Variants in ERC2 observed in about 807,000 individuals in gnomAD.
ERC2 encodes the protein ERC protein 2.
A neutral mutation model predicts 114.8 loss-of-function variants in ERC2; 42 were observed. The ratio of observed to expected loss-of-function variants is 0.37; its 90% CI spans 0.29 to 0.47. The LOEUF is 0.47. Ranked by LOEUF, ERC2 falls within the 20% of genes least tolerant of loss-of-function variation. The pLI is 0.99. For synonymous variants in ERC2, 454 were observed against 425.5 expected (o/e 1.07, Z -0.82); for missense variants, 939 against 1,150.7 (o/e 0.82, Z 2.66).
intron 10 of ERC2, among the ~76,000 whole-genome samples, chr3:55,995,206 G>A (rs1404588691): frequency 6.6e-6 from 1 of 152,106 alleles, no homozygotes; most frequent in Non-Finnish European, 1.5e-5. Context: ...TGAGGCACAC[G>A]CCTGTAGTCC....
chr3:55,749,052 C>T (rs114478227), intron 14 of ERC2, among the ~76,000 whole-genome samples: 2,338 of 152,278 alleles, frequency 0.015, 55 homozygotes, highest in African/African-American at 0.053. Context: ...ATTCAACATA[C>T]ACCCAAGACT....
chr3:56,401,129 G>A (rs185588648), intron 2 of ERC2, among the ~76,000 whole-genome samples: 6 of 152,276 alleles, frequency 3.9e-5, no homozygotes, highest in Admixed American at 2.0e-4. Context: ...ACAAAAGCTC[G>A]AATAATTTTC....
chr3:56,400,408 A>C (rs893920312), intron 2 of ERC2, among the ~76,000 whole-genome samples: 11 of 152,224 alleles, frequency 7.2e-5, no homozygotes, highest in Non-Finnish European at 1.5e-4. Context: ...CATGCCAAAA[A>C]ATTAAACTAA....
At chr3:56,019,345 C>T (rs759089854) in intron 7 of ERC2, among the ~76,000 whole-genome samples, 28 of 152,058 alleles carry the variant, frequency 1.8e-4, no homozygotes, top group Non-Finnish European at 1.2e-4. Context: ...GGTCTCAAGT[C>T]GATAGGCTTG....
chr3:56,077,645 A>T (rs563541481), intron 7 of ERC2, among the ~76,000 whole-genome samples: 80 of 152,342 alleles, frequency 5.3e-4, no homozygotes, highest in African/African-American at 1.8e-3. Context: ...CTTAGTCTCA[A>T]CTTCTGACAA....
At chr3:56,019,804 C>A (rs989618899) in intron 7 of ERC2, among the ~76,000 whole-genome samples, 1 of 152,156 alleles carries the variant, frequency 6.6e-6, no homozygotes, top group Admixed American at 6.6e-5. Context: ...TGTTTTTATT[C>A]TCTGCTTTCA....
rs562870013 is a variant in ERC2, at chr3:55,601,365, C to T, written c.*39+82429G>A. ...GCCCTTTTATTTTAATCAAAAAAGTCCTCCTCAGAAACAGGTCAGGCCTTT... is the reference window on the plus strand; with the variant it reads ...GCCCTTTTATTTTAATCAAAAAAGTTCTCCTCAGAAACAGGTCAGGCCTTT... On this transcript the variant is annotated intron_variant, in intron 17 of 17. Transcript: ENST00000288221. Among the ~76,000 whole-genome samples the T allele has an allele frequency of 3.9e-5, 6 of 152,282 alleles. No individual in the cohort carries two copies. The South Asian group carries it at 1.2e-3, about 32-fold the overall frequency.
intron 13 of ERC2, among the ~76,000 whole-genome samples, chr3:55,909,508 T>C (rs2149360414): frequency 6.6e-6 from 1 of 152,016 alleles, no homozygotes; most frequent in Admixed American, 6.5e-5. Context: ...CTGCGGTGGC[T>C]GTGTAGATCT....
chr3:56,021,142 T>C (rs751898280), intron 7 of ERC2, among the ~76,000 whole-genome samples: 58 of 152,246 alleles, frequency 3.8e-4, no homozygotes, highest in Non-Finnish European at 7.1e-4. Flanking sequence ...CAAGAATGAC[T>C]CTTAAGAGAA....
intron 14 of ERC2, among the ~76,000 whole-genome samples, chr3:55,740,294 A>G (rs1371223464): frequency 1.3e-5 from 2 of 152,180 alleles, no homozygotes; most frequent in African/African-American, 4.8e-5. Flanking sequence ...TTAAATTAAT[A>G]TTCATATAAA....
intron 15 of ERC2, among the ~76,000 whole-genome samples, chr3:55,722,978 C>G (rs563434039): frequency 1.3e-5 from 2 of 152,192 alleles, no homozygotes; most frequent in South Asian, 4.1e-4. Context: ...GGGCATTAAT[C>G]CTAAAGAAAA....
chr3:56,287,389 C>T (rs2054791350), intron 3 of ERC2, among the ~76,000 whole-genome samples: 1 of 152,164 alleles, frequency 6.6e-6, no homozygotes, highest in African/African-American at 2.4e-5. Flanking sequence ...ATTCTCTGCT[C>T]ACAAAAATTC....
chr3:55,978,823 G>A (rs4974114), intron 12 of ERC2, among the ~76,000 whole-genome samples: 66,140 of 152,020 alleles, frequency 0.44, 14,624 homozygotes, highest in Middle Eastern at 0.55. Context: ...ATAATGTCTT[G>A]AATAACTTGG....
intron 14 of ERC2, among the ~76,000 whole-genome samples, chr3:55,809,490 T>A (rs1429233658): frequency 6.6e-6 from 1 of 152,160 alleles, no homozygotes; most frequent in Admixed American, 6.5e-5. Context: ...ATCTCAGTAG[T>A]ATTTGCAAAC....
At chr3:55,907,730 C>T (rs2064545842) in intron 13 of ERC2, among the ~76,000 whole-genome samples, 1 of 152,214 alleles carries the variant, frequency 6.6e-6, no homozygotes, top group Non-Finnish European at 1.5e-5. Context: ...GAGCAAGCCA[C>T]TTACACTCTC....
chr3:56,420,190 T>TTC (rs1343828600), intron 2 of ERC2, among the ~76,000 whole-genome samples: 1 of 142,362 alleles, frequency 7.0e-6, no homozygotes, highest in Non-Finnish European at 1.5e-5. Context: ...TTTTTTTTTT[T>TTC]TTTTTTTTTT....
chr3:56,305,976 C>T (rs928665333), intron 2 of ERC2, among the ~76,000 whole-genome samples: 3 of 151,944 alleles, frequency 2.0e-5, no homozygotes, highest in Non-Finnish European at 2.9e-5. Flanking sequence ...CGGCCTCCCA[C>T]GTAGCTGGGA....
intron 17 of ERC2, among the ~76,000 whole-genome samples, chr3:55,562,968 A>C (rs537807931): frequency 2.0e-5 from 3 of 152,234 alleles, no homozygotes; most frequent in Non-Finnish European, 4.4e-5. Context: ...CAGAAATATT[A>C]CAAAAATATA....
chr3:55,664,077 T>A (rs965633541), intron 17 of ERC2, among the ~76,000 whole-genome samples: 19 of 152,232 alleles, frequency 1.2e-4, no homozygotes, highest in African/African-American at 4.6e-4. Flanking sequence ...CCAGCAGCAT[T>A]AACATTGCCT....
Sources: allele counts gnomAD v4.1 joint callset (sites outside exome capture counted in the v4.1 genomes callset), GRCh38; gene constraint gnomAD v4.1.1; transcripts MANE v1.5; gene names NCBI Gene and HGNC (gene_info 2026-07-23, HGNC 2026-07-21).